Variants in CTNND2 observed in about 807,000 individuals in gnomAD.
CTNND2 encodes catenin delta 2.
Under a neutral mutation model 144.4 loss-of-function variants are expected in CTNND2, and 22 were observed. The observed-to-expected ratio is 0.15, with a 90% CI of 0.11 to 0.22. CTNND2 has a LOEUF of 0.22. Ranked by LOEUF, CTNND2 falls within the 10% of genes least tolerant of loss-of-function variation. The pLI is 1.00. For synonymous variants in CTNND2, 751 were observed against 695.6 expected (o/e 1.08, Z -1.25); for missense variants, 1,353 against 1,618.8 (o/e 0.84, Z 2.82).
intron 2 of CTNND2, among the ~76,000 whole-genome samples, chr5:11,720,823 T>C (rs1343871213): frequency 1.3e-5 from 2 of 152,180 alleles, no homozygotes. Context: ...ATTCTGCCTA[T>C]AGTCAAAAAA....
intron 2 of CTNND2, among the ~76,000 whole-genome samples, chr5:11,731,401 A>G (rs967404644): frequency 6.6e-6 from 1 of 152,208 alleles, no homozygotes. Flanking sequence ...CAGCATCACC[A>G]AATCACATAA....
intron 9 of CTNND2, among the ~76,000 whole-genome samples, chr5:11,309,262 C>A (rs1750564102): frequency 6.6e-6 from 1 of 152,212 alleles, no homozygotes; most frequent in Non-Finnish European, 1.5e-5. Flanking sequence ...GGAAAAGTCA[C>A]AGGCACTCAA....
At chr5:11,396,515 G>A (rs1272641227) in intron 6 of CTNND2, among the ~76,000 whole-genome samples, 1 of 152,150 alleles carries the variant, frequency 6.6e-6, no homozygotes, top group Non-Finnish European at 1.5e-5. Flanking sequence ...TTCAAAATCA[G>A]ACTTCACAAA....
At chr5:11,405,841 C>A (rs1761050662) in intron 5 of CTNND2, among the ~76,000 whole-genome samples, 1 of 152,080 alleles carries the variant, frequency 6.6e-6, no homozygotes, top group Non-Finnish European at 1.5e-5. Context: ...GACATGGACA[C>A]CATGACAAAC....
chr5:10,984,832 G>A (rs1367742820), intron 20 of CTNND2, among the ~76,000 whole-genome samples: 2 of 152,300 alleles, frequency 1.3e-5, no homozygotes, highest in African/African-American at 4.8e-5. Context: ...CCAGCAGTTT[G>A]AGAGGATGAG....
At position 11,294,916 on chromosome 5, in the gene CTNND2, T is replaced by C. The variant is rs186698115; in HGVS notation, c.1628+51456A>G. Among the ~76,000 whole-genome samples the C allele has an allele frequency of 2.4e-3, 362 of 152,282 alleles. 6 individuals carry two copies. Among genetic ancestry groups the C allele is most frequent in the Non-Finnish European group, 4.4e-4 (30 of 68,016 alleles). ...AACTGGAAGCATTCCCTTTGAAAAC[T>C]GGCACAAGACAAGGATGCCCTCTCT... On this transcript the variant is annotated intron_variant, in intron 9 of 21. Transcript: ENST00000304623.
chr5:11,032,772 G>GTT (rs1417202655), intron 16 of CTNND2, among the ~76,000 whole-genome samples: 1 of 152,138 alleles, frequency 6.6e-6, no homozygotes, highest in Non-Finnish European at 1.5e-5. Flanking sequence ...GTTCTATATT[G>GTT]TAAGATACCA....
intron 10 of CTNND2, among the ~76,000 whole-genome samples, chr5:11,205,764 C>G (rs1205317201): frequency 1.3e-5 from 2 of 152,176 alleles, no homozygotes; most frequent in Non-Finnish European, 2.9e-5. Context: ...GAATCTCTCT[C>G]CTTCCAATTG....
At chr5:11,760,378 G>T (rs1381159529) in intron 1 of CTNND2, among the ~76,000 whole-genome samples, 1 of 152,134 alleles carries the variant, frequency 6.6e-6, no homozygotes, top group African/African-American at 2.4e-5. Flanking sequence ...CCAGGAGCTA[G>T]TTGTGTTGCT....
At chr5:11,302,536 C>T (rs1393057591) in intron 9 of CTNND2, among the ~76,000 whole-genome samples, 1 of 152,164 alleles carries the variant, frequency 6.6e-6, no homozygotes, top group African/African-American at 2.4e-5. Context: ...CCGGTAAATG[C>T]CGCATGTGGG....
At chr5:11,678,558 T>C (rs947804159) in intron 2 of CTNND2, among the ~76,000 whole-genome samples, 1 of 152,170 alleles carries the variant, frequency 6.6e-6, no homozygotes, top group African/African-American at 2.4e-5. Flanking sequence ...GGAAATTAAA[T>C]GTTATTAAGA....
intron 1 of CTNND2, among the ~76,000 whole-genome samples, chr5:11,878,694 G>C (rs898751812): frequency 6.6e-6 from 1 of 152,164 alleles, no homozygotes; most frequent in African/African-American, 2.4e-5. Context: ...TTTGCTAAGA[G>C]TCCTTGCTGC....
At chr5:11,147,516 G>A (rs1012509655) in intron 12 of CTNND2, among the ~76,000 whole-genome samples, 1 of 152,150 alleles carries the variant, frequency 6.6e-6, no homozygotes, top group Non-Finnish European at 1.5e-5. Flanking sequence ...TGCAGGCCCA[G>A]GCCAGCTATG....
intron 2 of CTNND2, among the ~76,000 whole-genome samples, chr5:11,683,460 C>G (rs994954388): frequency 2.0e-5 from 3 of 152,168 alleles, no homozygotes; most frequent in Admixed American, 6.5e-5. Flanking sequence ...TACTCATGAT[C>G]CAGTATAAAG....
intron 1 of CTNND2, among the ~76,000 whole-genome samples, chr5:11,885,175 C>T (rs1038613837): frequency 6.6e-6 from 1 of 152,058 alleles, no homozygotes; most frequent in Non-Finnish European, 1.5e-5. Flanking sequence ...ATGCTGACTT[C>T]ATAGAATGAG....
intron 5 of CTNND2, among the ~76,000 whole-genome samples, chr5:11,397,671 T>G (rs1308525046): frequency 6.6e-6 from 1 of 152,334 alleles, no homozygotes; most frequent in South Asian, 2.1e-4. Flanking sequence ...AATAGTGATA[T>G]AATACCTCAG....
Position 11,025,652 on chromosome 5 carries a change from A to C in CTNND2, c.2789-2673T>G, listed in dbSNP as rs1309963817. 2.0e-5 allele frequency among the ~76,000 whole-genome samples: 3 copies of C among 152,232 alleles called. No individual in the cohort carries two copies. The East Asian group carries it at 5.8e-4, about 29-fold the overall frequency. On this transcript the variant is annotated intron_variant, in intron 16 of 21. Coordinates refer to ENST00000304623, the MANE Select transcript of CTNND2 (RefSeq NM_001332.4). ...TTAAGAAGGAAGGTTTCAGAATAGT[A>C]AAACTGAGGGTGGAAGAAACATAGT...
rs548094195 is a variant in CTNND2 at position 11,336,534 on chromosome 5, T to A, written c.1628+9838A>T. Among the ~76,000 whole-genome samples, 4 of 152,312 alleles carry A rather than the reference T, an allele frequency of 2.6e-5. No homozygotes were observed. The South Asian group carries it at 8.3e-4, about 32-fold the overall frequency. On this transcript the variant is annotated intron_variant, in intron 9 of 21. Coordinates refer to ENST00000304623, the MANE Select transcript of CTNND2 (RefSeq NM_001332.4). ...ACTGATAAATAGAGAAGACAGAAAA[T>A]CAACACTTTGTTACTGTGTGCCCTT...
At chr5:11,696,693 G>T (rs541263641) in intron 2 of CTNND2, among the ~76,000 whole-genome samples, 2 of 152,142 alleles carry the variant, frequency 1.3e-5, no homozygotes, top group Non-Finnish European at 2.9e-5. Flanking sequence ...CCCCTCTTTA[G>T]TGGTTTTCAG....
Sources: allele counts gnomAD v4.1 joint callset (sites outside exome capture counted in the v4.1 genomes callset), GRCh38; gene constraint gnomAD v4.1.1; transcripts MANE v1.5; gene names NCBI Gene and HGNC (gene_info 2026-07-23, HGNC 2026-07-21).